Variants in RASSF3 observed in about 807,000 individuals in gnomAD.
RASSF3 encodes the protein ras association domain-containing protein 3.
Under a neutral mutation model 19.9 loss-of-function variants are expected in RASSF3, and 19 were observed. The observed-to-expected ratio is 0.96, with a 90% confidence interval of 0.67 to 1.40. The LOEUF (loss-of-function observed/expected upper bound fraction) is 1.40, where lower values mean the gene tolerates loss of function less well. Among genes scored for constraint, RASSF3 ranks in the 40% most tolerant of loss-of-function variants. The pLI, the probability that RASSF3 is intolerant of heterozygous loss-of-function variation, is 0.00. For synonymous variants in RASSF3, 110 were observed against 104.2 expected, an observed-to-expected ratio of 1.06 and a Z score of -0.34; for missense variants, 306 against 289.8, an observed-to-expected ratio of 1.06 and a Z score of -0.41.
At chr12:64,662,990 A>G (rs1426802313) in intron 1 of RASSF3, among the ~76,000 whole-genome samples, 2 of 152,232 alleles carry the variant, frequency 1.3e-5, no homozygotes, top group African/African-American at 2.4e-5. Context: ...AATTTTAGCT[A>G]TTAACATATA....
At chr12:64,659,729 C>T (rs192923987) in intron 1 of RASSF3, among the ~76,000 whole-genome samples, 182 of 152,224 alleles carry the variant, frequency 1.2e-3, no homozygotes, top group Non-Finnish European at 1.7e-3. Context: ...GGGCAGATCT[C>T]TTGAGATCAG....
At chr12:64,597,217 C>T (rs1424183295) in intron 2 of RASSF3, among the ~76,000 whole-genome samples, 1 of 150,448 alleles carries the variant, frequency 6.6e-6, no homozygotes, top group African/African-American at 2.4e-5. Context: ...ACTGCAACCT[C>T]CACCTCCTGG....
chr12:64,685,331 G>A (rs566015761), intron 2 of RASSF3, among the ~76,000 whole-genome samples: 5 of 152,140 alleles, frequency 3.3e-5, no homozygotes, highest in East Asian at 1.9e-4. Context: ...CTGCAGCCTC[G>A]ACCTCCGGGC....
chr12:64,524,213 G>A (rs978020825), intron 1 of RASSF3, among the ~76,000 whole-genome samples: 3 of 144,696 alleles, frequency 2.1e-5, no homozygotes, highest in Non-Finnish European at 3.0e-5. Flanking sequence ...CACCATGCCC[G>A]GCAATTTTAT....
At chr12:64,591,951 G>C (rs1031718745) in intron 2 of RASSF3, among the ~76,000 whole-genome samples, 5 of 150,634 alleles carry the variant, frequency 3.3e-5, no homozygotes, top group African/African-American at 1.2e-4. Flanking sequence ...CCCTAGGCTA[G>C]AGTGCAGTGG....
intron 1 of RASSF3, among the ~76,000 whole-genome samples, chr12:64,620,140 G>T (rs1295476879): frequency 6.6e-6 from 1 of 151,758 alleles, no homozygotes; most frequent in Non-Finnish European, 1.5e-5. Flanking sequence ...CTGCCTTCAT[G>T]GGGGGCGTAT....
At chr12:64,684,567 G>C (rs1431096275) in intron 1 of RASSF3, among the ~76,000 whole-genome samples, 2 of 151,924 alleles carry the variant, frequency 1.3e-5, no homozygotes, top group African/African-American at 4.8e-5. Flanking sequence ...AAGTAGCTGG[G>C]TTTACAAGCG....
intron 1 of RASSF3, among the ~76,000 whole-genome samples, chr12:64,651,970 G>A (rs1871972389): frequency 1.3e-5 from 2 of 152,262 alleles, no homozygotes; most frequent in East Asian, 1.9e-4. Context: ...TCCATTTAAT[G>A]TTTAATTGTA....
At chr12:64,513,168 G>A (rs963027859) in intron 1 of RASSF3, among the ~76,000 whole-genome samples, 2 of 151,164 alleles carry the variant, frequency 1.3e-5, no homozygotes, top group African/African-American at 2.4e-5. Context: ...TTTCAGGCTG[G>A]GTGCAGTGGC....
chr12:64,652,100 T>C (rs1871976592), intron 1 of RASSF3, among the ~76,000 whole-genome samples: 1 of 152,230 alleles, frequency 6.6e-6, no homozygotes, highest in African/African-American at 2.4e-5. Context: ...TATAATAGAT[T>C]ACCATATTTT....
chr12:64,665,115 T>C (rs1022152088), intron 1 of RASSF3, among the ~76,000 whole-genome samples: 5 of 152,218 alleles, frequency 3.3e-5, no homozygotes, highest in African/African-American at 9.6e-5. Context: ...AATCATTGTC[T>C]AAAATCAGAA....
chr12:64,560,239 T>TAAGCTA (rs1869325543), intron 2 of RASSF3, among the ~76,000 whole-genome samples: 1 of 152,240 alleles, frequency 6.6e-6, no homozygotes, highest in Admixed American at 6.5e-5. Context: ...TGACTTGCTT[T>TAAGCTA]AGCTGAGCAT....
intron 1 of RASSF3, among the ~76,000 whole-genome samples, chr12:64,643,122 T>C (rs1440084796): frequency 7.0e-6 from 1 of 143,544 alleles, no homozygotes; most frequent in African/African-American, 2.5e-5. Flanking sequence ...CGCCTCACCC[T>C]CCCAAAGTGC....
intron 1 of RASSF3, among the ~76,000 whole-genome samples, chr12:64,658,931 G>A (rs1305312091): frequency 6.6e-6 from 1 of 152,166 alleles, no homozygotes; most frequent in Non-Finnish European, 1.5e-5. Context: ...TTAGCCAGGT[G>A]TGGTGATGTA....
chr12:64,641,414 A>ACACACACACACACACACGCG, intron 1 of RASSF3, among the ~76,000 whole-genome samples: 35 of 142,194 alleles, frequency 2.5e-4, no homozygotes, highest in African/African-American at 9.2e-4. Flanking sequence ...ACACACACAC[A>ACACACACACACACACACGCG]CGCGCGCGCG....
intron 2 of RASSF3, chr12:64,599,213 GC>G (rs1458532765): frequency 1.2e-4 from 19 of 152,222 alleles, no homozygotes; most frequent in African/African-American, 4.6e-4. Context: ...GCTTCTAGAA[GC>G]CCCTGTAAGA....
At chr12:64,539,405 A>G (rs1868896662) in intron 1 of RASSF3, among the ~76,000 whole-genome samples, 1 of 152,210 alleles carries the variant, frequency 6.6e-6, no homozygotes, top group Non-Finnish European at 1.5e-5. Context: ...AGTTTCCAAC[A>G]CATGAAATTT....
chr12:64,574,354 T>C (rs576516148), intron 2 of RASSF3, among the ~76,000 whole-genome samples: 1 of 151,840 alleles, frequency 6.6e-6, no homozygotes, highest in South Asian at 2.1e-4. Flanking sequence ...TAATATCCAC[T>C]GATGATAAAA....
At chr12:64,544,910 A>G (rs754609397), downstream of RASSF3, among the ~76,000 whole-genome samples, 3 of 152,354 alleles carry the variant, frequency 2.0e-5, no homozygotes, top group East Asian at 1.9e-4. Flanking sequence ...ATAGCTGTTT[A>G]GAAGAGTGTG....
Sources: gnomAD v4.1 joint callset for allele counts (sites outside exome capture counted in the v4.1 genomes callset) on GRCh38, gnomAD v4.1.1 for gene constraint, MANE v1.5 for transcripts, NCBI Gene and HGNC (gene_info 2026-07-23, HGNC 2026-07-21) for gene names.